Variants in TRRAP observed in about 807,000 individuals in gnomAD.
TRRAP encodes the protein transformation/transcription domain associated protein, also known as transformation/transcription domain-associated protein.
A neutral mutation model predicts 438.8 loss-of-function variants in TRRAP; 41 were observed. The ratio of observed to expected loss-of-function variants is 0.09; its 90% CI spans 0.07 to 0.12. The LOEUF (loss-of-function observed/expected upper bound fraction) is 0.12, where lower values mean the gene tolerates loss of function less well. TRRAP is among the 10% of genes least tolerant of loss of function. TRRAP has a pLI of 1.00. For missense variants in TRRAP, 3,122 were observed against 5,055.1 expected, an observed-to-expected ratio of 0.62 and a Z score of 11.60; for synonymous variants, 1,994 against 1,962.9, an observed-to-expected ratio of 1.02 and a Z score of -0.42.
In TRRAP at chr7:98,899,640, G is replaced by GAGTGTCA. The variant is rs1796382075; in HGVS notation, c.712-37_712-31dup. The GAGTGTCA allele has an allele frequency of 3.1e-6, 5 of 1,611,994 alleles. No individual in the cohort carries two copies. In the Admixed American group the frequency reaches 6.7e-5, roughly 21 times the overall value. The stretch of plus-strand genomic sequence containing the variant: ...TATGCCAGATTTTGTCGCCATAGCA[G>GAGTGTCA]AGTGTCAATGTATGAAAATCTGGTA... On this transcript the variant is annotated intron_variant, in intron 9 of 72. Coordinates refer to ENST00000456197, the MANE Select transcript of TRRAP (RefSeq NM_001375524.1).
chr7:98,959,567 G>C, intron 45 of TRRAP, 77 bp downstream of exon 45: 1 of 1,551,912 alleles, frequency 6.4e-7, no homozygotes, highest in Non-Finnish European at 8.7e-7. Flanking sequence ...GCAGGGACTG[G>C]ACATTTGTGG....
rs1792128168 is a variant in TRRAP at position 98,965,839 on chromosome 7, G to A, written c.7120G>A (p.Val2374Met). ...ACCAGATGCCAAAATCCTCCGGGCT[G>A]TGGTCAAAATCGTGGAAGAATGGGT... ...KSPDAKILRAVVKIVEEWVKN... is the reference protein window; with the variant it reads ...KSPDAKILRAMVKIVEEWVKN... Residue 2374 changes from valine (V) to methionine (M), a missense_variant, in exon 49 of 73, where the codon GTG (valine) becomes ATG (methionine). Val to Met is a conservative substitution (Grantham distance 21). Coordinates refer to ENST00000456197, the MANE Select transcript of TRRAP (RefSeq NM_001375524.1). The A allele has an allele frequency of 6.2e-7, 1 of 1,614,040 alleles. No individual in the cohort carries two copies. Among genetic ancestry groups the A allele is most frequent in the Admixed American group, 1.7e-5 (1 of 60,004 alleles).
chr7:98,897,686 TGAATGAATATTGGG>T, intron 7 of TRRAP, 41 bp from the exon 8 acceptor site: 1 of 1,558,052 alleles, frequency 6.4e-7, no homozygotes, highest in South Asian at 1.2e-5. Context: ...GTTTTGTTTT[TGAATGAATATTGGG>T]TTTGACTTTA....
At chr7:98,985,126 G>T in intron 62 of TRRAP, 82 bp downstream of exon 62, 1 of 1,025,552 alleles carries the variant, frequency 9.8e-7, no homozygotes, top group Non-Finnish European at 1.5e-6. Flanking sequence ...CCAATGTGAA[G>T]CTCAAGCTAG....
chr7:98,934,000 G>A (rs1043687594), intron 27 of TRRAP, among the ~76,000 whole-genome samples: 4 of 152,188 alleles, frequency 2.6e-5, no homozygotes, highest in East Asian at 1.9e-4. Context: ...CTGTCCAGCC[G>A]AGTTCTTATT....
At chr7:98,926,680 C>G (rs782601036) in intron 22 of TRRAP, among the ~76,000 whole-genome samples, 11 of 151,898 alleles carry the variant, frequency 7.2e-5, no homozygotes, top group Non-Finnish European at 1.3e-4. Context: ...TAATTCGTGA[C>G]CAAATCTAAA....
chr7:98,906,396 TTTTTGTTTTATTTATTTATTTATTTA>T lies in TRRAP; in HGVS notation c.1115+145_1115+170del, dbSNP rs1188666338. On this transcript the variant is annotated intron_variant, in intron 13 of 72. Transcript: ENST00000456197. ...TAGGTTAGCAAGTGCAGGATTTTTG[TTTTTGTTTTATTTATTTATTTATTTA>T]TTTATTTATTTATTTATTTATTTAT... The T allele has an allele frequency of 1.4e-4, 52 of 362,338 alleles. 3 individuals carry two copies. Among genetic ancestry groups the T allele is most frequent in the Middle Eastern group, 5.0e-4 (1 of 1,984 alleles). 22.4% of individuals were successfully genotyped at this position (362,338 alleles called of 1,614,324 possible).
intron 63 of TRRAP, among the ~76,000 whole-genome samples, chr7:98,990,114 GC>G (rs1454994120): frequency 6.6e-6 from 1 of 152,170 alleles, no homozygotes; most frequent in East Asian, 1.9e-4. Flanking sequence ...TGTAGTCCCA[GC>G]TACTGGGGAG....
intron 1 of TRRAP, among the ~76,000 whole-genome samples, 163 bp downstream of exon 1, chr7:98,878,800 G>A (rs1471863454): frequency 1.3e-5 from 2 of 152,064 alleles, no homozygotes; most frequent in Non-Finnish European, 2.9e-5. Context: ...GGGGCTGCGG[G>A]GCCGATGGCG....
Position 99,012,535 on chromosome 7 carries a change from T to C in TRRAP, c.*180T>C. ...GGGAGAATATAGTTTTAGAGGAAGCTGAACTATGACGATGCTGGGCGAAGC... is the reference window on the plus strand; with the variant it reads ...GGGAGAATATAGTTTTAGAGGAAGCCGAACTATGACGATGCTGGGCGAAGC... On this transcript the variant is annotated 3_prime_UTR_variant, in exon 73 of 73. Coordinates refer to ENST00000456197, the MANE Select transcript of TRRAP (RefSeq NM_001375524.1). The surrounding 1 kb of genome is among the most constrained non-coding windows in gnomAD (Gnocchi z 5.9). 1.3e-6 allele frequency: 1 copy of C among 765,894 alleles called. No individual in the cohort carries two copies. Among genetic ancestry groups the C allele is most frequent in the Non-Finnish European group, 2.0e-6 (1 of 495,262 alleles). 47.4% of individuals were successfully genotyped at this position (765,894 alleles called of 1,614,324 possible).
Position 98,945,977 on chromosome 7 carries a change from G to A in TRRAP, c.4548+27G>A, listed in dbSNP as rs199543315. Reference sequence around the variant, plus strand: ...TGAGAACTTGAGCGGAGCTACAGGAGGGGGTTGTTGTCGTTGCTGGTTTTG... The same window carrying A: ...TGAGAACTTGAGCGGAGCTACAGGAAGGGGTTGTTGTCGTTGCTGGTTTTG... On this transcript the variant is annotated intron_variant, in intron 33 of 72. Coordinates refer to ENST00000456197, the MANE Select transcript of TRRAP (RefSeq NM_001375524.1). 2.3e-4 allele frequency: 336 copies of A among 1,430,356 alleles called. 1 individual carries two copies. The highest frequency in any genetic ancestry group is 1.3e-4 in the Admixed American group (5 of 38,470). The allele number at this position is 1,430,356 out of a possible 1,614,324, so 88.6% of individuals were successfully genotyped here.
chr7:99,008,103 C>T (rs1275188569), intron 69 of TRRAP, among the ~76,000 whole-genome samples: 1 of 152,180 alleles, frequency 6.6e-6, no homozygotes, highest in East Asian at 1.9e-4. Context: ...TGATTACAGG[C>T]GTGAGCCACT....
intron 60 of TRRAP, 41 bp downstream of exon 60, chr7:98,983,500 T>A: frequency 6.2e-7 from 1 of 1,609,986 alleles, no homozygotes; most frequent in Non-Finnish European, 8.5e-7. Context: ...CATGTAATTT[T>A]CCAGACGCCC....
At chr7:98,999,720 G>A in intron 67 of TRRAP, 1 of 741,542 alleles carries the variant, frequency 1.3e-6, no homozygotes, top group Non-Finnish European at 2.4e-6. Context: ...CAAGTGGAGG[G>A]AGAAAGCAAA....
In TRRAP at chr7:98,958,035, A is replaced by G. The variant is rs781830985; in HGVS notation, c.6286A>G (p.Ile2096Val). The change falls in exon 44 of 73, where the codon ATT (isoleucine) becomes GTT (valine). Residue 2096 changes from isoleucine (I) to valine (V), a missense_variant. Around this residue, in one of 24 missense-constraint regions of TRRAP, gnomAD observed 992 missense variants for 1,281.2 expected, o/e 0.77. Transcript: ENST00000456197. Reference sequence around the variant, plus strand: ...AGCAGACTCTCTCCTCGCCAAGCCCATTGACAAGCAGCACACAGACACTGT... The same window carrying G: ...AGCAGACTCTCTCCTCGCCAAGCCCGTTGACAAGCAGCACACAGACACTGT... ...PGADSLLAKP[I>V]DKQHTDTVVN... 5.0e-6 allele frequency: 8 copies of G among 1,614,092 alleles called. No homozygotes were observed. In the South Asian group the frequency reaches 6.6e-5, roughly 13 times the overall value.
rs147862498 is a variant in TRRAP, at chr7:98,887,169, C to G, written c.151-3166C>G. On this transcript the variant is annotated intron_variant, in intron 3 of 72. Transcript: ENST00000456197. ...TCCTGGGCCCAAGCAATAGTCCCAC[C>G]TTGTCTTCCTAAATAAAGTGCTAGG... Among the ~76,000 whole-genome samples the G allele has an allele frequency of 7.2e-5, 11 of 152,314 alleles. No homozygotes were observed. The East Asian group carries it at 2.1e-3, about 29-fold the overall frequency.
intron 23 of TRRAP, among the ~76,000 whole-genome samples, chr7:98,929,131 G>A (rs984520982): frequency 3.3e-5 from 5 of 151,902 alleles, no homozygotes; most frequent in East Asian, 1.9e-4. Context: ...TAGTAGAGAC[G>A]GGGTTTCACC....
Position 98,961,175 on chromosome 7 carries a change from C to G in TRRAP, c.6490-86C>G, listed in dbSNP as rs1166171576. On this transcript the variant is annotated intron_variant, in intron 45 of 72. Transcript: ENST00000456197. ...TAGTCTCCAAATAATTAATCCAGTG[C>G]TAGATTTTGCCAGACTCTTGTTTCT... 5 of 1,297,128 alleles carry G rather than the reference C, an allele frequency of 3.9e-6. No homozygotes were observed. In the South Asian group the frequency reaches 6.0e-5, roughly 16 times the overall value. 80.4% of individuals were successfully genotyped at this position (1,297,128 alleles called of 1,614,324 possible). A position where few individuals can be genotyped will look rare whatever the true frequency, so the allele number is the denominator to read the frequency against.
chr7:98,933,297 C>A lies in TRRAP; in HGVS notation c.3909C>A (p.Asn1303Lys). 6.2e-7 allele frequency: 1 copy of A among 1,614,162 alleles called. No individual in the cohort carries two copies. Among genetic ancestry groups the A allele is most frequent in the Non-Finnish European group, 8.5e-7 (1 of 1,180,032 alleles). ...KKHLLRHQPA[N>K]AQIGLMEGNT... ...ACCTGCTCCGACACCAGCCTGCCAA[C>A]GCACAGATTGGCCTGATGGAGGGGA... The change falls in exon 27 of 73, where the codon AAC (asparagine) becomes AAA (lysine). Residue 1303 changes from asparagine (N) to lysine (K), a missense_variant. This residue lies in a region of TRRAP where 84 missense variants were observed against 119.8 expected (regional missense o/e 0.70). Coordinates refer to ENST00000456197, the MANE Select transcript of TRRAP (RefSeq NM_001375524.1).
Sources: allele counts gnomAD v4.1 joint callset (sites outside exome capture counted in the v4.1 genomes callset), GRCh38; gene constraint gnomAD v4.1.1; regional missense constraint gnomAD v4.1.1; non-coding constraint Gnocchi (gnomAD v3.1); transcripts MANE v1.5; gene names NCBI Gene and HGNC (gene_info 2026-07-23, HGNC 2026-07-21).